The following NPAS3 variants were observed in gnomAD, a reference collection of about 807,000 sequenced individuals.
NPAS3 encodes neuronal PAS domain-containing protein 3.
Under a neutral mutation model 73.1 loss-of-function variants are expected in NPAS3, and 14 were observed. The ratio of observed to expected loss-of-function variants is 0.19; its 90% CI spans 0.13 to 0.30. NPAS3 has a LOEUF of 0.30. Among genes scored for constraint, NPAS3 ranks in the 10% least tolerant of loss-of-function variants. The pLI is 1.00. For synonymous variants in NPAS3, 620 were observed against 541.5 expected (o/e 1.14, Z -2.01); for missense variants, 1,096 against 1,250.0 (o/e 0.88, Z 1.86).
At chr14:33,103,774 G>T (rs1271954788) in intron 2 of NPAS3, among the ~76,000 whole-genome samples, 1 of 152,116 alleles carries the variant, frequency 6.6e-6, no homozygotes, top group Non-Finnish European at 1.5e-5. Flanking sequence ...GGATGACTTT[G>T]TCCGGAGATT....
intron 5 of NPAS3, among the ~76,000 whole-genome samples, chr14:33,613,823 C>T (rs1008171305): frequency 2.0e-5 from 3 of 152,194 alleles, no homozygotes; most frequent in Non-Finnish European, 4.4e-5. Context: ...TCAAGGCTCA[C>T]AAGTCTCTCT....
intron 6 of NPAS3, among the ~76,000 whole-genome samples, chr14:33,714,481 G>T (rs989340414): frequency 6.6e-6 from 1 of 152,062 alleles, no homozygotes; most frequent in African/African-American, 2.4e-5. Flanking sequence ...ACTTGGGGGT[G>T]AACTTGCTTT....
chr14:33,513,968 C>T (rs139054384), intron 4 of NPAS3, among the ~76,000 whole-genome samples: 16 of 152,086 alleles, frequency 1.1e-4, no homozygotes, highest in African/African-American at 3.4e-4. Context: ...GTACCCCAGG[C>T]GCAAGAGTAA....
At chr14:33,538,211 G>A (rs1412536985) in intron 4 of NPAS3, among the ~76,000 whole-genome samples, 1 of 152,122 alleles carries the variant, frequency 6.6e-6, no homozygotes, top group South Asian at 2.1e-4. Flanking sequence ...CTAGATAGTA[G>A]ACCCATACAA....
chr14:33,412,072 A>G (rs373935198), intron 4 of NPAS3, among the ~76,000 whole-genome samples: 3 of 152,194 alleles, frequency 2.0e-5, no homozygotes, highest in East Asian at 3.8e-4. Context: ...CATAGCAGAA[A>G]CACAATTTAG....
chr14:33,271,385 A>AG (rs2041070967), intron 3 of NPAS3, among the ~76,000 whole-genome samples: 2 of 152,106 alleles, frequency 1.3e-5, no homozygotes, highest in Non-Finnish European at 2.9e-5. Context: ...CTTCAGGGAA[A>AG]GGGGGTTCTG....
intron 3 of NPAS3, among the ~76,000 whole-genome samples, chr14:33,337,126 C>T (rs1373677814): frequency 2.0e-5 from 3 of 152,034 alleles, no homozygotes; most frequent in Non-Finnish European, 4.4e-5. Flanking sequence ...GATCATACTT[C>T]AGGTGTCATA....
chr14:33,670,948 A>G (rs976495351), intron 5 of NPAS3, among the ~76,000 whole-genome samples: 1 of 143,334 alleles, frequency 7.0e-6, no homozygotes, highest in Non-Finnish European at 1.5e-5. Context: ...AGCCTTACAA[A>G]AGCTTTATGA....
At chr14:33,346,766 T>C (rs754860144) in intron 3 of NPAS3, among the ~76,000 whole-genome samples, 5 of 152,146 alleles carry the variant, frequency 3.3e-5, no homozygotes, top group Admixed American at 6.5e-5. Context: ...AATCCTTTCA[T>C]GTATTACAGT....
intron 2 of NPAS3, among the ~76,000 whole-genome samples, chr14:33,127,712 T>C (rs1464653113): frequency 6.6e-6 from 1 of 152,160 alleles, no homozygotes; most frequent in African/African-American, 2.4e-5. Flanking sequence ...ATTGTATTGG[T>C]TTCTAGTTCT....
intron 1 of NPAS3, among the ~76,000 whole-genome samples, chr14:33,052,539 A>G (rs1239169867): frequency 6.6e-6 from 1 of 152,270 alleles, no homozygotes; most frequent in African/African-American, 2.4e-5. Flanking sequence ...CTTATGCTTA[A>G]TAACTAGAAA....
At chr14:33,510,734 C>A (rs1246838695) in intron 4 of NPAS3, among the ~76,000 whole-genome samples, 1 of 152,076 alleles carries the variant, frequency 6.6e-6, no homozygotes, top group Non-Finnish European at 1.5e-5. Flanking sequence ...CGTGTGCTTA[C>A]TGGAGAACTA....
intron 1 of NPAS3, among the ~76,000 whole-genome samples, chr14:33,002,234 G>A (rs2038834308): frequency 6.6e-6 from 1 of 152,168 alleles, no homozygotes; most frequent in South Asian, 2.1e-4. Flanking sequence ...CAGGGACTAT[G>A]TCATATATCT....
At chr14:33,232,626 C>T (rs1042341707) in intron 3 of NPAS3, among the ~76,000 whole-genome samples, 27 of 152,076 alleles carry the variant, frequency 1.8e-4, no homozygotes, top group Non-Finnish European at 2.9e-4. Context: ...ACAGTGAAAT[C>T]GGAGTTCTCA....
intron 2 of NPAS3, among the ~76,000 whole-genome samples, chr14:33,130,165 A>T (rs893030869): frequency 2.0e-5 from 3 of 152,308 alleles, no homozygotes. Flanking sequence ...TTCCTTCTTT[A>T]TGCGTACGGC....
At chr14:32,968,620 G>A (rs1165175021) in intron 1 of NPAS3, among the ~76,000 whole-genome samples, 1 of 151,944 alleles carries the variant, frequency 6.6e-6, no homozygotes, top group Non-Finnish European at 1.5e-5. Context: ...ATATTACTTT[G>A]CATAACTAAT....
intron 1 of NPAS3, among the ~76,000 whole-genome samples, chr14:33,034,311 A>G (rs1216001279): frequency 6.6e-6 from 1 of 151,860 alleles, no homozygotes; most frequent in Admixed American, 6.6e-5. Context: ...AGATTATGTA[A>G]CATTATAAAT....
intron 6 of NPAS3, among the ~76,000 whole-genome samples, chr14:33,724,053 T>C (rs1409451953): frequency 6.6e-6 from 1 of 152,164 alleles, no homozygotes; most frequent in African/African-American, 2.4e-5. Flanking sequence ...GTTAAAAAAT[T>C]TGAGCAAAAG....
At chr14:33,147,898 C>CAGTAA (rs1330757974) in intron 2 of NPAS3, among the ~76,000 whole-genome samples, 2 of 151,656 alleles carry the variant, frequency 1.3e-5, no homozygotes, top group Non-Finnish European at 2.9e-5. Flanking sequence ...ATTTTCACTT[C>CAGTAA]AGTATTTTCA....
Sources: allele counts gnomAD v4.1 joint callset (sites outside exome capture counted in the v4.1 genomes callset), GRCh38; gene constraint gnomAD v4.1.1; transcripts MANE v1.5; gene names NCBI Gene and HGNC (gene_info 2026-07-23, HGNC 2026-07-21).